TNS3: variants seen among roughly 807,000 people sequenced by gnomAD.
TNS3 encodes tensin 3.
In TNS3, 45 loss-of-function variants were observed where a neutral mutation model predicts 140.9. The observed-to-expected ratio is 0.32, with a 90% CI of 0.25 to 0.41. The LOEUF is 0.41. Among genes scored for constraint, TNS3 ranks in the 10% least tolerant of loss-of-function variants. The pLI is 1.00. For synonymous variants in TNS3, 815 were observed against 788.4 expected, an observed-to-expected ratio of 1.03 and a Z score of -0.56; for missense variants, 1,716 against 1,906.7, an observed-to-expected ratio of 0.90 and a Z score of 1.86.
At chr7:47,365,724 C>T (rs932753792) in intron 17 of TNS3, among the ~76,000 whole-genome samples, 4 of 152,088 alleles carry the variant, frequency 2.6e-5, no homozygotes, top group Non-Finnish European at 4.4e-5. Context: ...CACGCCATTG[C>T]ACTCCAGCTT....
intron 10 of TNS3, among the ~76,000 whole-genome samples, chr7:47,415,742 T>G (rs1025273560): frequency 2.6e-5 from 4 of 152,184 alleles, no homozygotes; most frequent in Admixed American, 1.3e-4. Flanking sequence ...GATAAGAGGC[T>G]CTCCTTCCTG....
intron 4 of TNS3, among the ~76,000 whole-genome samples, chr7:47,478,537 A>T (rs1188715689): frequency 6.6e-6 from 1 of 152,200 alleles, no homozygotes; most frequent in Non-Finnish European, 1.5e-5. Flanking sequence ...CCTCAGATAT[A>T]TAACAACTAC....
At chr7:47,470,764 G>T in intron 4 of TNS3, 1 of 524,378 alleles carries the variant, frequency 1.9e-6, no homozygotes, top group Non-Finnish European at 2.4e-6. Flanking sequence ...TGTGCTCCCG[G>T]GTGGATGTAA....
At position 47,364,894 on chromosome 7, in the gene TNS3, CT is replaced by C. The variant is rs199602177; in HGVS notation, c.2281+3470del. ...CCAATTTTAAAAAGCTCTGGGGAGA[CT>C]GGTAACCAGTTTTGCTTATACCTAA... On this transcript the variant is annotated intron_variant, in intron 17 of 30. Coordinates refer to ENST00000311160, the MANE Select transcript of TNS3 (RefSeq NM_022748.12). Among the ~76,000 whole-genome samples, 190 of 152,310 alleles carry C rather than the reference CT, an allele frequency of 1.2e-3. 7 individuals carry two copies. In the East Asian group the frequency reaches 0.031, roughly 25 times the overall value.
intron 1 of TNS3, among the ~76,000 whole-genome samples, chr7:47,566,652 T>C (rs371275866): frequency 1.3e-5 from 2 of 152,196 alleles, no homozygotes; most frequent in East Asian, 3.8e-4. Flanking sequence ...TTAAAATGGC[T>C]GAAAGTTGTT....
intron 20 of TNS3, among the ~76,000 whole-genome samples, chr7:47,343,157 T>C (rs1218844458): frequency 3.3e-5 from 5 of 152,298 alleles, no homozygotes; most frequent in Middle Eastern, 6.8e-3. Flanking sequence ...TGCAGAGCCA[T>C]CCTCATCCAC....
At chr7:47,445,632 G>A (rs1388300520) in intron 4 of TNS3, among the ~76,000 whole-genome samples, 4 of 152,128 alleles carry the variant, frequency 2.6e-5, no homozygotes, top group Admixed American at 6.5e-5. Context: ...CCAAGTCAGC[G>A]TCTGAGATCT....
intron 3 of TNS3, among the ~76,000 whole-genome samples, chr7:47,484,131 G>A (rs1264343341): frequency 1.3e-5 from 2 of 152,168 alleles, no homozygotes; most frequent in African/African-American, 2.4e-5. Context: ...CCAGTCACAG[G>A]CCCTACTGTC....
chr7:47,340,108 TA>T (rs1788892033), intron 20 of TNS3, among the ~76,000 whole-genome samples: 148 of 43,330 alleles, frequency 3.4e-3, no homozygotes, highest in African/African-American at 0.012. Context: ...TATATATATA[TA>T]TATATATTTT....
intron 27 of TNS3, among the ~76,000 whole-genome samples, chr7:47,287,375 G>C (rs1252582184): frequency 6.6e-6 from 1 of 152,174 alleles, no homozygotes; most frequent in Non-Finnish European, 1.5e-5. Flanking sequence ...TTTGTGAGTT[G>C]TCTGCTAATA....
At chr7:47,500,426 G>A (rs1040081068) in intron 3 of TNS3, among the ~76,000 whole-genome samples, 2 of 152,232 alleles carry the variant, frequency 1.3e-5, no homozygotes, top group Non-Finnish European at 2.9e-5. Context: ...GCTTTAGCAA[G>A]AGATGCAACT....
chr7:47,494,374 T>A (rs1797922946), intron 3 of TNS3, among the ~76,000 whole-genome samples: 2 of 152,196 alleles, frequency 1.3e-5, no homozygotes, highest in Non-Finnish European at 2.9e-5. Flanking sequence ...CCCCTCCAAA[T>A]GCTTTTTAGA....
intron 17 of TNS3, among the ~76,000 whole-genome samples, chr7:47,353,989 C>CAA (rs1036375123): frequency 2.1e-5 from 2 of 96,170 alleles, no homozygotes; most frequent in Middle Eastern, 5.6e-3. Context: ...ACACAGAGGA[C>CAA]AAAACACACA....
intron 1 of TNS3, among the ~76,000 whole-genome samples, chr7:47,545,717 C>T (rs114275264): frequency 0.042 from 6,380 of 152,166 alleles, 456 homozygotes; most frequent in African/African-American, 0.15. Context: ...TCTTCCTGAC[C>T]GAAAATGCCC....
chr7:47,333,871 T>C (rs758172326), intron 20 of TNS3, among the ~76,000 whole-genome samples: 5 of 152,228 alleles, frequency 3.3e-5, no homozygotes, highest in Non-Finnish European at 1.5e-5. Context: ...TACACTAGCA[T>C]ATTCATAGGC....
At chr7:47,491,129 G>A (rs1797799075) in intron 3 of TNS3, among the ~76,000 whole-genome samples, 1 of 152,204 alleles carries the variant, frequency 6.6e-6, no homozygotes, top group Non-Finnish European at 1.5e-5. Flanking sequence ...ACTAGCCAGT[G>A]GGCAGAGAGG....
chr7:47,507,621 C>T (rs1031589207), intron 2 of TNS3, among the ~76,000 whole-genome samples: 1 of 152,168 alleles, frequency 6.6e-6, no homozygotes, highest in Non-Finnish European at 1.5e-5. Flanking sequence ...CAATGCAGAG[C>T]TGGAACCAAT....
intron 13 of TNS3, 44 bp from the exon 14 acceptor site, chr7:47,400,958 G>A (rs749625299): frequency 7.5e-6 from 12 of 1,610,548 alleles, no homozygotes; most frequent in Middle Eastern, 1.6e-4. Flanking sequence ...TGCAGCGGGG[G>A]ACACACGTTC....
At chr7:47,443,495 T>G (rs1290180575) in intron 4 of TNS3, among the ~76,000 whole-genome samples, 1 of 152,212 alleles carries the variant, frequency 6.6e-6, no homozygotes, top group Non-Finnish European at 1.5e-5. Flanking sequence ...ACTAGACAGC[T>G]ACAAAACAGA....
Sources: gnomAD v4.1 joint callset for allele counts (sites outside exome capture counted in the v4.1 genomes callset) on GRCh38, gnomAD v4.1.1 for gene constraint, MANE v1.5 for transcripts, NCBI Gene and HGNC (gene_info 2026-07-23, HGNC 2026-07-21) for gene names.